PCDHGA6: variants seen among roughly 807,000 people sequenced by gnomAD.
PCDHGA6 encodes protocadherin gamma subfamily A, 6.
PCDHGA6 carries 41 observed loss-of-function variants against 60.6 expected under a neutral mutation model. The ratio of observed to expected loss-of-function variants is 0.68; its 90% confidence interval spans 0.53 to 0.88. The LOEUF (loss-of-function observed/expected upper bound fraction) is 0.88. Ranked by LOEUF, PCDHGA6 falls within the 40% of genes least tolerant of loss-of-function variation. PCDHGA6 has a pLI of 0.00. For synonymous variants in PCDHGA6, 594 were observed against 524.4 expected (o/e 1.13, Z -1.81); for missense variants, 1,312 against 1,203.0 (o/e 1.09, Z -1.34).
chr5:141,427,192 A>G (rs1191677237), intron 1 of PCDHGA6: 2 of 456,566 alleles, frequency 4.4e-6, no homozygotes, highest in African/African-American at 4.0e-5. Flanking sequence ...AAATCCAAAG[A>G]CTTAATAGAC....
intron 1 of PCDHGA6, chr5:141,392,681 G>T: frequency 1.9e-6 from 2 of 1,026,496 alleles, no homozygotes; most frequent in Non-Finnish European, 2.7e-6. Flanking sequence ...CTGGACTGCA[G>T]CGAAACCCGA....
At chr5:141,410,913 G>GC (rs1270456210) in intron 1 of PCDHGA6, 4 of 263,626 alleles carry the variant, frequency 1.5e-5, no homozygotes, top group African/African-American at 1.1e-4. Flanking sequence ...GAGTGCAGTG[G>GC]CGTGATCTCT....
At chr5:141,393,277 C>T (rs749579658) in intron 1 of PCDHGA6, 4 of 1,613,844 alleles carry the variant, frequency 2.5e-6, no homozygotes, top group Non-Finnish European at 3.4e-6. Flanking sequence ...TATCCACTCC[C>T]AGAAGCTGTT....
rs373048330 is a variant in PCDHGA6 at position 141,384,937 on chromosome 5, C to A, written c.2424+8430C>A. On this transcript the variant is annotated intron_variant, in intron 1 of 3. Coordinates refer to ENST00000517434, the MANE Select transcript of PCDHGA6 (RefSeq NM_018919.3). Reference sequence around the variant, plus strand: ...CTTGGCCGACCTGGGCAGCCTTGAGCCCTCCGACGGTCCTTACAACTATGA... The same window carrying A: ...CTTGGCCGACCTGGGCAGCCTTGAGACCTCCGACGGTCCTTACAACTATGA... The A allele has an allele frequency of 1.6e-4, 255 of 1,614,068 alleles. 1 individual carries two copies. The South Asian group carries it at 2.7e-3, about 17-fold the overall frequency.
At chr5:141,420,733 A>T (rs989644819) in intron 1 of PCDHGA6, among the ~76,000 whole-genome samples, 1 of 152,250 alleles carries the variant, frequency 6.6e-6, no homozygotes, top group African/African-American at 2.4e-5. Flanking sequence ...GTCGGTTAAA[A>T]TCAATTGGAA....
intron 1 of PCDHGA6, among the ~76,000 whole-genome samples, chr5:141,457,628 C>T (rs1210673176): frequency 6.6e-6 from 1 of 152,244 alleles, no homozygotes; most frequent in Non-Finnish European, 1.5e-5. Context: ...TAATCTTATA[C>T]TTGGCCTGAT....
intron 1 of PCDHGA6, among the ~76,000 whole-genome samples, chr5:141,443,035 CTT>C (rs2098359592): frequency 6.6e-6 from 1 of 152,208 alleles, no homozygotes; most frequent in African/African-American, 2.4e-5. Context: ...CAGACCTAAA[CTT>C]TGAAAATTAT....
chr5:141,414,550 G>C, intron 1 of PCDHGA6: 1 of 1,613,948 alleles, frequency 6.2e-7, no homozygotes, highest in Non-Finnish European at 8.5e-7. Context: ...CTTCTCTCAA[G>C]TCTCCTACTT....
chr5:141,374,428 T>A lies in PCDHGA6; in HGVS notation c.345T>A (p.Asn115Lys). The A allele has an allele frequency of 9.9e-6, 16 of 1,613,952 alleles. No homozygotes were observed. The highest frequency in any genetic ancestry group is 1.4e-5 in the Non-Finnish European group (16 of 1,179,864). ...ACATCCTTGTCGAGGATAAACTGAATCTTTATCCCGTGGAAGTGGAAATAG... is the reference window on the plus strand; with the variant it reads ...ACATCCTTGTCGAGGATAAACTGAAACTTTATCCCGTGGAAGTGGAAATAG... ...SFNILVEDKL[N>K]LYPVEVEIVD... The change falls in exon 1 of 4, where the codon AAT becomes AAA. Residue 115 changes from asparagine (N) to lysine (K), a missense_variant. Asn to Lys is a moderately conservative substitution (Grantham distance 94). Transcript: ENST00000517434.
rs561392729 is a variant in PCDHGA6, at chr5:141,475,706, G to T, written c.2425-19101G>T. On this transcript the variant is annotated intron_variant, in intron 1 of 3. Transcript: ENST00000517434. ...GGATTGGAGACTTGCAGAACGGCTA[G>T]CCTCACAGCCCCAAGGCTGGCTTTC... Among the ~76,000 whole-genome samples the T allele has an allele frequency of 7.2e-5, 11 of 152,364 alleles. 1 individual carries two copies. In the South Asian group the frequency reaches 2.3e-3, roughly 32 times the overall value.
rs1378433689 is a variant in PCDHGA6, at chr5:141,409,139, G to A, written c.2424+32632G>A. Reference sequence around the variant, plus strand: ...CCAGTCATTTGATTTTGAAGATGTAGAAAGGTACACCATGGAAGTGGAAGC... The same window carrying A: ...CCAGTCATTTGATTTTGAAGATGTAAAAAGGTACACCATGGAAGTGGAAGC... On this transcript the variant is annotated intron_variant, in intron 1 of 3. Transcript: ENST00000517434. 5.6e-6 allele frequency: 9 copies of A among 1,613,894 alleles called. No homozygotes were observed. In the Admixed American group the frequency reaches 1.5e-4, roughly 27 times the overall value.
At chr5:141,415,904 C>T in intron 1 of PCDHGA6, 1 of 833,428 alleles carries the variant, frequency 1.2e-6, no homozygotes, top group Non-Finnish European at 1.6e-6. Context: ...AGACAGACTT[C>T]CATACAGAAG....
rs1326004540 is a variant in PCDHGA6 at position 141,477,117 on chromosome 5, C to T, written c.2425-17690C>T. Reference sequence around the variant, plus strand: ...GACAAGGGCGCCAATCCCGAAGGAGCACATTGCAAAGTGTTGGTGGAGGTT... The same window carrying T: ...GACAAGGGCGCCAATCCCGAAGGAGTACATTGCAAAGTGTTGGTGGAGGTT... On this transcript the variant is annotated intron_variant, in intron 1 of 3. Coordinates refer to ENST00000517434, the MANE Select transcript of PCDHGA6 (RefSeq NM_018919.3). The surrounding 1 kb of genome is among the most constrained non-coding windows in gnomAD (Gnocchi z 4.9). 1.2e-6 allele frequency: 2 copies of T among 1,614,246 alleles called. No homozygotes were observed. Among genetic ancestry groups the T allele is most frequent in the East Asian group, 4.5e-5 (2 of 44,886 alleles).
At chr5:141,422,217 C>T (rs1207888890) in intron 1 of PCDHGA6, 2 of 1,563,582 alleles carry the variant, frequency 1.3e-6, no homozygotes, top group Admixed American at 2.0e-5. Context: ...GTCTCTTTAC[C>T]ACCACGACGA....
chr5:141,401,587 T>C (rs1455949609), intron 1 of PCDHGA6, among the ~76,000 whole-genome samples: 3 of 152,226 alleles, frequency 2.0e-5, no homozygotes, highest in Non-Finnish European at 2.9e-5. Context: ...TCCTGACATA[T>C]TCTTGAAGAA....
rs2099691833 is a variant in PCDHGA6, at chr5:141,489,761, C to A, written c.2425-5046C>A. 8.1e-6 allele frequency: 13 copies of A among 1,614,102 alleles called. No individual in the cohort carries two copies. The highest frequency in any genetic ancestry group is 1.1e-5 in the Non-Finnish European group (13 of 1,179,962). ...ACTGTGAGCTTTTACACTCTAAGCCCCAACAGCCACTTCTCTCTGAATGTG... is the reference window on the plus strand; with the variant it reads ...ACTGTGAGCTTTTACACTCTAAGCCACAACAGCCACTTCTCTCTGAATGTG... On this transcript the variant is annotated intron_variant, in intron 1 of 3. Coordinates refer to ENST00000517434, the MANE Select transcript of PCDHGA6 (RefSeq NM_018919.3). The surrounding 1 kb of genome is among the most constrained non-coding windows in gnomAD (Gnocchi z 4.5).
chr5:141,487,435 A>G lies in PCDHGA6; in HGVS notation c.2425-7372A>G, dbSNP rs776328527. On this transcript the variant is annotated intron_variant, in intron 1 of 3. Transcript: ENST00000517434. The surrounding 1 kb of genome is among the most constrained non-coding windows in gnomAD (Gnocchi z 5.0). ...CCAATGGGATCCTCCGAATCCAGCT[A>G]GGGTCAGATGACCCTATCAAGTTTG... 3.7e-6 allele frequency: 6 copies of G among 1,614,164 alleles called. No individual in the cohort carries two copies. In the South Asian group the frequency reaches 6.6e-5, roughly 18 times the overall value.
intron 1 of PCDHGA6, among the ~76,000 whole-genome samples, chr5:141,488,571 A>G (rs2099677106): frequency 6.6e-6 from 1 of 152,194 alleles, no homozygotes; most frequent in East Asian, 1.9e-4. Flanking sequence ...TCCGCAAAGC[A>G]TTGCTGGAGA....
rs1224625072 is a variant in PCDHGA6, at chr5:141,490,972, C to T, written c.2425-3835C>T. ...AGACTGGGAACACTCAGCCCCCCAG[C>T]GTCTCCCTCGCTCTGCTCCTCCTGG... On this transcript the variant is annotated intron_variant, in intron 1 of 3. Transcript: ENST00000517434. This position sits in a 1 kb window ranked among gnomAD's most constrained non-coding sequence, Gnocchi z 5.4. The T allele has an allele frequency of 1.2e-5, 20 of 1,613,912 alleles. No individual in the cohort carries two copies. Among genetic ancestry groups the T allele is most frequent in the East Asian group, 4.5e-5 (2 of 44,882 alleles).
Sources: allele counts gnomAD v4.1 joint callset (sites outside exome capture counted in the v4.1 genomes callset), GRCh38; gene constraint gnomAD v4.1.1; non-coding constraint Gnocchi (gnomAD v3.1); transcripts MANE v1.5; gene names NCBI Gene and HGNC (gene_info 2026-07-23, HGNC 2026-07-21).